The following FAM180A variants were observed in gnomAD, a reference collection of about 807,000 sequenced individuals.
The protein encoded by FAM180A is protein FAM180A.
FAM180A carries 14 observed loss-of-function variants against 15.3 expected under a neutral mutation model. The observed-to-expected ratio is 0.92, with a 90% confidence interval of 0.61 to 1.43. The LOEUF (loss-of-function observed/expected upper bound fraction) is 1.43. FAM180A is among the 40% of genes most tolerant of loss of function. FAM180A has a pLI of 0.00. For synonymous variants in FAM180A, 90 were observed against 96.8 expected (o/e 0.93, Z 0.41); for missense variants, 200 against 220.8 (o/e 0.91, Z 0.60).
At chr7:135,741,189 A>G (rs1796944246) in intron 1 of FAM180A, among the ~76,000 whole-genome samples, 1 of 152,352 alleles carries the variant, frequency 6.6e-6, no homozygotes, top group African/African-American at 2.4e-5. Context: ...CAAAGAGCCA[A>G]GAAGAAAATA....
chr7:135,744,154 C>G (rs1180781668), intron 1 of FAM180A, among the ~76,000 whole-genome samples: 1 of 152,190 alleles, frequency 6.6e-6, no homozygotes, highest in East Asian at 1.9e-4. Context: ...GAGTAGCCTG[C>G]CTTTGTTTGG....
chr7:135,744,825 C>T (rs1797006784), intron 1 of FAM180A, among the ~76,000 whole-genome samples: 1 of 152,198 alleles, frequency 6.6e-6, no homozygotes, highest in African/African-American at 2.4e-5. Flanking sequence ...GTTAGGATAG[C>T]ACCTGCCTCA....
At chr7:135,740,202 G>A (rs1433646088) in intron 1 of FAM180A, among the ~76,000 whole-genome samples, 1 of 152,206 alleles carries the variant, frequency 6.6e-6, no homozygotes, top group African/African-American at 2.4e-5. Context: ...GACTCCACTA[G>A]TTAACACTGT....
chr7:135,740,400 T>C (rs1283216603), intron 1 of FAM180A, among the ~76,000 whole-genome samples: 1 of 152,220 alleles, frequency 6.6e-6, no homozygotes, highest in Non-Finnish European at 1.5e-5. Context: ...GACCCTAGGC[T>C]GTGTGGCCGC....
chr7:135,740,385 A>G (rs1563180319), intron 1 of FAM180A, among the ~76,000 whole-genome samples: 1 of 152,200 alleles, frequency 6.6e-6, no homozygotes, highest in Non-Finnish European at 1.5e-5. Flanking sequence ...TGTGTGGAAG[A>G]CGCTGACCCT....
chr7:135,741,328 G>T (rs1395098615), intron 1 of FAM180A, among the ~76,000 whole-genome samples: 1 of 152,150 alleles, frequency 6.6e-6, no homozygotes, highest in East Asian at 1.9e-4. Flanking sequence ...AATGGCTATT[G>T]CTTTAAAATG....
Position 135,737,103 on chromosome 7 carries a change from T to G in FAM180A, c.173A>C (p.Tyr58Ser). 2 of 1,611,328 alleles carry G rather than the reference T, an allele frequency of 1.2e-6. No individual in the cohort carries two copies. Among genetic ancestry groups the G allele is most frequent in the Non-Finnish European group, 1.7e-6 (2 of 1,178,246 alleles). Residue 58 changes from tyrosine (Y) to serine (S), a missense_variant, in exon 2 of 4, where the codon TAC (tyrosine) becomes TCC (serine). Transcript: ENST00000338588. ...AGCATGTTCCCCTCTGCCTACCTCG[T>G]AGAGCAGCTCCACCTCCTCCAGGGA... Reference protein sequence around the residue: ...QTSLEEVELLYEFLLAELEIS... With the variant: ...QTSLEEVELLSEFLLAELEIS...
At chr7:135,742,760 T>C (rs1213466707) in intron 1 of FAM180A, among the ~76,000 whole-genome samples, 3 of 152,252 alleles carry the variant, frequency 2.0e-5, no homozygotes, top group African/African-American at 4.8e-5. Flanking sequence ...TCAGATATAA[T>C]AATGTAAGAG....
intron 1 of FAM180A, among the ~76,000 whole-genome samples, chr7:135,747,916 G>A (rs999532308): frequency 7.9e-5 from 12 of 152,204 alleles, no homozygotes; most frequent in African/African-American, 2.7e-4. Flanking sequence ...GGGGGAGGAA[G>A]TCAGTGATAA....
rs78953573 is a variant in FAM180A at position 135,732,813 on chromosome 7, T to C, written c.*329+833A>G. Reference sequence around the variant, plus strand: ...TTTGTATATATAGTTTAAAAAGATATCGAGTCAATATCTATAAAAGGAAAG... The same window carrying C: ...TTTGTATATATAGTTTAAAAAGATACCGAGTCAATATCTATAAAAGGAAAG... On this transcript the variant is annotated intron_variant, in intron 3 of 3. Transcript: ENST00000338588. 4.4e-3 allele frequency among the ~76,000 whole-genome samples: 675 copies of C among 152,222 alleles called. 5 individuals carry two copies. Among genetic ancestry groups the C allele is most frequent in the African/African-American group, 0.015 (634 of 41,530 alleles).
chr7:135,729,621 T>C lies in FAM180A; in HGVS notation c.*990A>G, dbSNP rs115983719. On this transcript the variant is annotated 3_prime_UTR_variant, in exon 4 of 4. Transcript: ENST00000338588. The stretch of plus-strand genomic sequence containing the variant: ...AGTGAGCAACTCAATCATGACATCT[T>C]TATTATACCATAGATGAATATTTGT... 369 of 984,380 alleles carry C rather than the reference T, an allele frequency of 3.7e-4. No individual in the cohort carries two copies. The Middle Eastern group carries it at 4.2e-3, about 11-fold the overall frequency. The allele number at this position is 984,380 out of a possible 1,614,324, so 61.0% of individuals were successfully genotyped here.
rs530267359 is a variant in FAM180A, at chr7:135,733,839, G to A, written c.*136C>T. On this transcript the variant is annotated 3_prime_UTR_variant, in exon 3 of 4. Transcript: ENST00000338588. ...ACTACAAGGAGAAAAGAGCATCGGG[G>A]TTACTGTTTGATCTCTGCTGCTCTG... 1.4e-6 allele frequency: 2 copies of A among 1,410,196 alleles called. No homozygotes were observed. The highest frequency in any genetic ancestry group is 2.9e-5 in the African/African-American group (2 of 69,180). 87.4% of individuals were successfully genotyped at this position (1,410,196 alleles called of 1,614,324 possible).
At chr7:135,738,091 T>C (rs1796896996) in intron 1 of FAM180A, among the ~76,000 whole-genome samples, 1 of 152,326 alleles carries the variant, frequency 6.6e-6, no homozygotes, top group African/African-American at 2.4e-5. Context: ...TGAACACACA[T>C]GACAAAATAA....
chr7:135,742,523 C>G (rs181188984), intron 1 of FAM180A, among the ~76,000 whole-genome samples: 6 of 152,328 alleles, frequency 3.9e-5, no homozygotes, highest in Admixed American at 3.9e-4. Context: ...GGAAACCAAG[C>G]ACTGCTCAGC....
In FAM180A at chr7:135,748,742, T is replaced by C; in HGVS notation, c.-162A>G. ...TACTCTGCCTCAGAAGGCTGGAGGC[T>C]GAAGGCTGCGTCCTGGGTGGGACAG... is the stretch of plus-strand genomic sequence containing the variant. On this transcript the variant is annotated 5_prime_UTR_variant, in exon 1 of 4. Transcript: ENST00000338588. The C allele has an allele frequency of 3.1e-6, 2 of 652,134 alleles. No homozygotes were observed. The highest frequency in any genetic ancestry group is 3.5e-5 in the South Asian group (2 of 56,468). The allele number at this position is 652,134 out of a possible 1,614,324, so 40.4% of individuals were successfully genotyped here. A position where few individuals can be genotyped will look rare whatever the true frequency, so the allele number is the denominator to read the frequency against.
intron 1 of FAM180A, among the ~76,000 whole-genome samples, chr7:135,744,456 C>T (rs569520981): frequency 6.6e-6 from 1 of 152,232 alleles, no homozygotes; most frequent in Admixed American, 6.5e-5. Flanking sequence ...TTTGCCAGAT[C>T]TGACTGATGT....
chr7:135,730,451 G>T (rs1796765059), intron 3 of FAM180A, among the ~76,000 whole-genome samples, 170 bp from the exon 4 acceptor site: 1 of 152,156 alleles, frequency 6.6e-6, no homozygotes, highest in Non-Finnish European at 1.5e-5. Context: ...GGCTGAGGTG[G>T]GAGAATCGTT....
chr7:135,739,468 CG>C, intron 1 of FAM180A, among the ~76,000 whole-genome samples: 1 of 149,404 alleles, frequency 6.7e-6, no homozygotes. Flanking sequence ...AAAAATTAGC[CG>C]GGTGTGGTGG....
chr7:135,729,967 G>T lies in FAM180A; in HGVS notation c.*644C>A. Reference sequence around the variant, plus strand: ...TGGAGTTAACACTGCTGTACCATATGCTTAAAAATGGTTAAGATGGTACAT... The same window carrying T: ...TGGAGTTAACACTGCTGTACCATATTCTTAAAAATGGTTAAGATGGTACAT... On this transcript the variant is annotated 3_prime_UTR_variant, in exon 4 of 4. Transcript: ENST00000338588. 1 of 897,714 alleles carries T rather than the reference G, an allele frequency of 1.1e-6. No individual in the cohort carries two copies. The highest frequency in any genetic ancestry group is 1.3e-6 in the Non-Finnish European group (1 of 750,160). 55.6% of individuals were successfully genotyped at this position (897,714 alleles called of 1,614,324 possible).
Sources: gnomAD v4.1 joint callset for allele counts (sites outside exome capture counted in the v4.1 genomes callset) on GRCh38, gnomAD v4.1.1 for gene constraint, MANE v1.5 for transcripts, NCBI Gene and HGNC (gene_info 2026-07-23, HGNC 2026-07-21) for gene names.